HIBADH: variants seen among roughly 807,000 people sequenced by gnomAD.
The protein encoded by HIBADH is 3-hydroxyisobutyrate dehydrogenase.
Under a neutral mutation model 36.1 loss-of-function variants are expected in HIBADH, and 25 were observed. The observed-to-expected ratio is 0.69, with a 90% CI of 0.50 to 0.97. The LOEUF is 0.97. Ranked by LOEUF, HIBADH falls within the 50% of genes least tolerant of loss-of-function variation. The probability of loss-of-function intolerance (pLI) is 0.00; values close to 1 mark genes in which losing one functional copy is unlikely to be tolerated. For synonymous variants in HIBADH, 160 were observed against 149.5 expected, an observed-to-expected ratio of 1.07 and a Z score of -0.51; for missense variants, 421 against 418.0, an observed-to-expected ratio of 1.01 and a Z score of -0.06.
At chr7:27,609,913 T>G (rs1785296161) in intron 4 of HIBADH, among the ~76,000 whole-genome samples, 2 of 151,832 alleles carry the variant, frequency 1.3e-5, no homozygotes, top group African/African-American at 4.8e-5. Context: ...GCCTCCCAAG[T>G]TCAAGCGATT....
intron 4 of HIBADH, among the ~76,000 whole-genome samples, chr7:27,560,889 C>G (rs1784456450): frequency 6.6e-6 from 1 of 152,146 alleles, no homozygotes; most frequent in Non-Finnish European, 1.5e-5. Context: ...ATATCATTTT[C>G]CACAGTGGTT....
In HIBADH at chr7:27,591,277, C is replaced by T. The variant is rs192503678; in HGVS notation, c.484+38094G>A. 5.9e-5 allele frequency among the ~76,000 whole-genome samples: 9 copies of T among 152,260 alleles called. No individual in the cohort carries two copies. In the East Asian group the frequency reaches 7.7e-4, roughly 13 times the overall value. ...CTTAAGATTATCACCTGTGGCCGGG[C>T]GTGGTGGCTCACGCCTGTAATCCCA... On this transcript the variant is annotated intron_variant, in intron 4 of 7. Transcript: ENST00000265395.
intron 4 of HIBADH, among the ~76,000 whole-genome samples, chr7:27,583,175 G>T (rs1392423659): frequency 6.6e-6 from 1 of 151,720 alleles, no homozygotes; most frequent in Non-Finnish European, 1.5e-5. Flanking sequence ...CCCTTATTTT[G>T]ACTTCAAGGG....
At chr7:27,639,440 G>A (rs550694690) in intron 2 of HIBADH, among the ~76,000 whole-genome samples, 2 of 152,216 alleles carry the variant, frequency 1.3e-5, no homozygotes, top group East Asian at 3.9e-4. Flanking sequence ...ACTACCTGAG[G>A]GGGGAGGGAG....
intron 2 of HIBADH, among the ~76,000 whole-genome samples, chr7:27,639,080 C>T (rs1188297466): frequency 1.3e-5 from 2 of 152,190 alleles, no homozygotes; most frequent in Non-Finnish European, 2.9e-5. Context: ...CCAGCAATCC[C>T]ATTATTGGGT....
At chr7:27,620,829 C>T (rs1217443943) in intron 4 of HIBADH, among the ~76,000 whole-genome samples, 4 of 151,936 alleles carry the variant, frequency 2.6e-5, no homozygotes, top group Non-Finnish European at 5.9e-5. Context: ...AAATATATAA[C>T]ACCATCAGAA....
At chr7:27,538,272 T>G in intron 6 of HIBADH, 69 bp downstream of exon 6, 1 of 1,196,350 alleles carries the variant, frequency 8.4e-7, no homozygotes, top group Non-Finnish European at 1.2e-6. Context: ...ATATCATTTT[T>G]TTAACATCAG....
intron 4 of HIBADH, among the ~76,000 whole-genome samples, chr7:27,556,701 A>T (rs1334410499): frequency 6.6e-6 from 1 of 152,212 alleles, no homozygotes; most frequent in Non-Finnish European, 1.5e-5. Flanking sequence ...TCAGATTCTA[A>T]GTACCTATAC....
intron 4 of HIBADH, among the ~76,000 whole-genome samples, chr7:27,628,936 T>C (rs1562651047): frequency 6.6e-6 from 1 of 152,116 alleles, no homozygotes; most frequent in Non-Finnish European, 1.5e-5. Context: ...ATTTAGATGA[T>C]CTGCTCCTTG....
At chr7:27,535,295 G>C (rs1784057579) in intron 6 of HIBADH, among the ~76,000 whole-genome samples, 1 of 151,800 alleles carries the variant, frequency 6.6e-6, no homozygotes, top group Non-Finnish European at 1.5e-5. Context: ...ATATTTATTA[G>C]GGTAAACAAC....
chr7:27,543,379 A>G (rs1487902619), intron 4 of HIBADH, among the ~76,000 whole-genome samples: 1 of 152,182 alleles, frequency 6.6e-6, no homozygotes, highest in Non-Finnish European at 1.5e-5. Flanking sequence ...CAGATAAGGG[A>G]ACTTAAAATG....
At chr7:27,557,595 G>T (rs780646155) in intron 4 of HIBADH, among the ~76,000 whole-genome samples, 6 of 152,170 alleles carry the variant, frequency 3.9e-5, no homozygotes, top group Non-Finnish European at 7.3e-5. Context: ...GCTGCTCTCT[G>T]TTTCCAAGAT....
At chr7:27,649,209 T>C (rs1786131231) in intron 2 of HIBADH, 1 of 293,668 alleles carries the variant, frequency 3.4e-6, no homozygotes, top group Admixed American at 5.0e-5. Flanking sequence ...AGAAAACTGA[T>C]ACAGAGCTAA....
chr7:27,632,440 T>C lies in HIBADH; in HGVS notation c.258A>G (p.Val86=). 2.5e-6 allele frequency: 4 copies of C among 1,610,198 alleles called. No homozygotes were observed. Among genetic ancestry groups the C allele is most frequent in the Non-Finnish European group, 3.4e-6 (4 of 1,176,704 alleles). ...TTTCAGCAACATCTGCTGGGGAAGA[T>C]ACTACCTTTAAAAAAAATTGCAAAG... ...KEFQDAGEQV[V]SSPADVAEKA... The change falls in exon 3 of 8, where the codon GTA becomes GTG. Residue 86 remains valine, a synonymous_variant. Transcript: ENST00000265395.
intron 4 of HIBADH, among the ~76,000 whole-genome samples, chr7:27,563,158 C>T (rs927810473): frequency 6.6e-6 from 1 of 152,168 alleles, no homozygotes; most frequent in Non-Finnish European, 1.5e-5. Context: ...TGAACATAAT[C>T]ATAGAATATA....
At chr7:27,567,081 TTGA>T (rs1309803944) in intron 4 of HIBADH, among the ~76,000 whole-genome samples, 1 of 152,134 alleles carries the variant, frequency 6.6e-6, no homozygotes, top group African/African-American at 2.4e-5. Context: ...TATATTGTTG[TTGA>T]TTTTTCTGTC....
chr7:27,568,624 ATTT>A (rs201618024), intron 4 of HIBADH, among the ~76,000 whole-genome samples: 1 of 151,414 alleles, frequency 6.6e-6, no homozygotes, highest in African/African-American at 2.4e-5. Context: ...GGCCCAGCTA[ATTT>A]TTTTTTAAAT....
chr7:27,591,892 G>T (rs1364159602), intron 4 of HIBADH, among the ~76,000 whole-genome samples: 2 of 152,140 alleles, frequency 1.3e-5, no homozygotes, highest in African/African-American at 4.8e-5. Flanking sequence ...TGAATACAGT[G>T]ATTCTAGAAG....
intron 4 of HIBADH, among the ~76,000 whole-genome samples, chr7:27,565,929 A>G (rs971253448): frequency 6.6e-6 from 1 of 152,198 alleles, no homozygotes; most frequent in African/African-American, 2.4e-5. Context: ...ATACATATAT[A>G]TACATATGGA....
Sources: allele counts gnomAD v4.1 joint callset (sites outside exome capture counted in the v4.1 genomes callset), GRCh38; gene constraint gnomAD v4.1.1; transcripts MANE v1.5; gene names NCBI Gene and HGNC (gene_info 2026-07-23, HGNC 2026-07-21).